CDH11: variants seen among roughly 807,000 people sequenced by gnomAD.
CDH11 encodes cadherin 11.
Under a neutral mutation model 67.8 loss-of-function variants are expected in CDH11, and 11 were observed. The observed-to-expected ratio is 0.16, with a 90% CI of 0.10 to 0.27. CDH11 has a LOEUF of 0.27. CDH11 is among the 10% of genes least tolerant of loss of function. The probability of loss-of-function intolerance (pLI) is 1.00; values close to 1 mark genes in which losing one functional copy is unlikely to be tolerated. For missense variants in CDH11, 847 were observed against 1,031.2 expected (o/e 0.82, Z 2.45); for synonymous variants, 419 against 400.0 (o/e 1.05, Z -0.57).
chr16:65,071,517 G>A (rs994189012), intron 1 of CDH11, among the ~76,000 whole-genome samples: 1 of 152,126 alleles, frequency 6.6e-6, no homozygotes, highest in Non-Finnish European at 1.5e-5. Context: ...CTGTAACTAG[G>A]TCAGGCACCA....
chr16:65,019,757 A>T (rs905095576), intron 2 of CDH11, among the ~76,000 whole-genome samples: 2 of 152,096 alleles, frequency 1.3e-5, no homozygotes, highest in African/African-American at 2.4e-5. Context: ...ATTGAATAAT[A>T]TCCTTTTAAT....
chr16:65,027,067 G>A (rs547293587), intron 2 of CDH11, among the ~76,000 whole-genome samples: 1 of 152,250 alleles, frequency 6.6e-6, no homozygotes, highest in South Asian at 2.1e-4. Flanking sequence ...GTTTCTATCA[G>A]TATTTCACCC....
chr16:65,123,213 G>A (rs536337310), upstream of CDH11, among the ~76,000 whole-genome samples: 4 of 152,238 alleles, frequency 2.6e-5, no homozygotes, highest in South Asian at 8.3e-4. Flanking sequence ...GCCTGTGTGG[G>A]GACCCCTGGC....
chr16:64,971,617 A>G lies in CDH11; in HGVS notation c.1604T>C (p.Ile535Thr). The change falls in exon 11 of 13, where the codon ATC (isoleucine) becomes ACC (threonine). Residue 535 changes from isoleucine to threonine, a missense_variant. Around this residue, in one of 2 missense-constraint regions of CDH11, gnomAD observed 612 missense variants for 678.7 expected, o/e 0.90. Coordinates refer to ENST00000268603, the MANE Select transcript of CDH11 (RefSeq NM_001797.4). ...PRFIFSLPPE[I>T]IHNPNFTVRD... is the part of the protein sequence containing the mutation. ...GACTGTGAAATTTGGATTGTGAATG[A>G]TTTCAGGGGGTAGGCTGAAGATAAA... The G allele has an allele frequency of 1.9e-6, 3 of 1,613,598 alleles. No individual in the cohort carries two copies. Among genetic ancestry groups the G allele is most frequent in the Non-Finnish European group, 2.5e-6 (3 of 1,179,748 alleles).
At chr16:65,060,915 C>T (rs565062313) in intron 1 of CDH11, among the ~76,000 whole-genome samples, 1 of 152,330 alleles carries the variant, frequency 6.6e-6, no homozygotes, top group East Asian at 1.9e-4. Flanking sequence ...TGTCCCCAGC[C>T]TCACCTGCCC....
At chr16:64,954,951 A>AT (rs544404471) in intron 11 of CDH11, among the ~76,000 whole-genome samples, 37,892 of 144,782 alleles carry the variant, frequency 0.26, 5,307 homozygotes, top group Non-Finnish European at 0.35. Context: ...TAAAAAATAA[A>AT]AAAAAAAAAA....
At chr16:64,996,034 A>G (rs368651613) in intron 4 of CDH11, among the ~76,000 whole-genome samples, 72 of 152,330 alleles carry the variant, frequency 4.7e-4, no homozygotes, top group African/African-American at 1.6e-3. Context: ...GAAACCCATA[A>G]TGAGAAACCA....
rs1440803817 is a variant in CDH11, at chr16:65,004,978, G to A, written c.-109C>T. On this transcript the variant is annotated 5_prime_UTR_variant, in exon 3 of 13. The change creates a premature stop within an existing upstream ORF in the 5' untranslated region. Coordinates refer to ENST00000268603, the MANE Select transcript of CDH11 (RefSeq NM_001797.4). ...CGGACGCGTCACGCAGACCTCTCTT[G>A]GGATGGAATGTCTCTGCTGGTTGAG... 20 of 1,426,618 alleles carry A rather than the reference G, an allele frequency of 1.4e-5. 1 individual carries two copies. In the Admixed American group the frequency reaches 5.2e-4, roughly 37 times the overall value. 88.4% of individuals were successfully genotyped at this position (1,426,618 alleles called of 1,614,324 possible).
At chr16:64,964,697 C>T (rs569177957) in intron 11 of CDH11, among the ~76,000 whole-genome samples, 215 of 152,072 alleles carry the variant, frequency 1.4e-3, no homozygotes, top group African/African-American at 4.9e-3. Flanking sequence ...TACAGGCACC[C>T]GCCACCACAC....
At chr16:65,113,552 G>A (rs1467304254) in intron 1 of CDH11, among the ~76,000 whole-genome samples, 2 of 152,130 alleles carry the variant, frequency 1.3e-5, no homozygotes, top group Admixed American at 6.5e-5. Context: ...GAAAGTAGTG[G>A]TTCGAAGTGG....
At position 64,944,873 on chromosome 16, in the gene CDH11, AT is replaced by A. The variant is rs1567476768; in HGVS notation, c.*2729del. On this transcript the variant is annotated 3_prime_UTR_variant, in exon 13 of 13. Coordinates refer to ENST00000268603, the MANE Select transcript of CDH11 (RefSeq NM_001797.4). ...GGAAGGAGAGAAAATATCTTCTTGC[AT>A]TTTCTAGGAGGGCAAATAGGTAAAT... is the stretch of plus-strand genomic sequence containing the variant. The A allele has an allele frequency of 4.5e-6, 1 of 221,978 alleles. No individual in the cohort carries two copies. The highest frequency in any genetic ancestry group is 9.0e-6 in the Non-Finnish European group (1 of 110,942). 13.8% of individuals were successfully genotyped at this position (221,978 alleles called of 1,614,324 possible).
At chr16:65,112,336 G>C (rs560161341) in intron 1 of CDH11, among the ~76,000 whole-genome samples, 2 of 152,240 alleles carry the variant, frequency 1.3e-5, no homozygotes, top group South Asian at 4.2e-4. Flanking sequence ...TGTTGGTCTA[G>C]GTGGCCTCTG....
At chr16:65,057,124 G>C (rs948018983) in intron 1 of CDH11, among the ~76,000 whole-genome samples, 3 of 152,144 alleles carry the variant, frequency 2.0e-5, no homozygotes, top group South Asian at 2.1e-4. Context: ...ATGGCTGTGC[G>C]GGCTATAGTG....
chr16:64,972,727 T>G (rs911091491), intron 9 of CDH11, among the ~76,000 whole-genome samples, 177 bp downstream of exon 9: 2 of 152,202 alleles, frequency 1.3e-5, no homozygotes, highest in African/African-American at 4.8e-5. Flanking sequence ...AACAAGAACA[T>G]TTCCCTTTGC....
At chr16:65,079,297 A>G (rs1352075845) in intron 1 of CDH11, among the ~76,000 whole-genome samples, 1 of 152,212 alleles carries the variant, frequency 6.6e-6, no homozygotes, top group Non-Finnish European at 1.5e-5. Flanking sequence ...AAGCACAAAA[A>G]GGAGTTGAGG....
intron 2 of CDH11, among the ~76,000 whole-genome samples, chr16:65,021,585 T>C (rs2073425366): frequency 6.7e-6 from 1 of 149,630 alleles, no homozygotes; most frequent in Non-Finnish European, 1.5e-5. Flanking sequence ...TATATATATA[T>C]ATATTAGTTA....
intron 1 of CDH11, among the ~76,000 whole-genome samples, chr16:65,075,145 C>A (rs962194223): frequency 6.6e-6 from 1 of 152,158 alleles, no homozygotes; most frequent in East Asian, 1.9e-4. Flanking sequence ...GCACTGCCAG[C>A]CTGGTCTGTC....
intron 4 of CDH11, among the ~76,000 whole-genome samples, chr16:64,995,455 T>C (rs1431081833): frequency 6.6e-6 from 1 of 152,202 alleles, no homozygotes; most frequent in East Asian, 1.9e-4. Flanking sequence ...TACAGCCATC[T>C]GATCATCAAC....
chr16:65,054,343 C>T (rs1315238423), intron 1 of CDH11, among the ~76,000 whole-genome samples: 1 of 152,146 alleles, frequency 6.6e-6, no homozygotes, highest in Non-Finnish European at 1.5e-5. Flanking sequence ...GTGAGAAGCA[C>T]CGTTCTGGTG....
Sources: gnomAD v4.1 joint callset for allele counts (sites outside exome capture counted in the v4.1 genomes callset) on GRCh38, gnomAD v4.1.1 for gene constraint, gnomAD v4.1.1 regional missense constraint, MANE v1.5 for transcripts, NCBI Gene and HGNC (gene_info 2026-07-23, HGNC 2026-07-21) for gene names.